DOCK7: variants seen among roughly 807,000 people sequenced by gnomAD.
DOCK7 encodes the protein dedicator of cytokinesis 7, also known as dedicator of cytokinesis protein 7.
DOCK7 carries 138 observed loss-of-function variants against 271.0 expected under a neutral mutation model. That is an observed-to-expected ratio of 0.51 (90% CI 0.44 to 0.59). The LOEUF is 0.59. Ranked by LOEUF, DOCK7 falls within the 20% of genes least tolerant of loss-of-function variation. The pLI is 0.00. For missense variants in DOCK7, 2,066 were observed against 2,592.4 expected (o/e 0.80, Z 4.41); for synonymous variants, 823 against 876.1 (o/e 0.94, Z 1.07).
At chr1:62,653,636 T>A in intron 4 of DOCK7, 89 bp downstream of exon 4, 2 of 817,002 alleles carry the variant, frequency 2.4e-6, no homozygotes, top group Non-Finnish European at 4.0e-6. Flanking sequence ...AAATAAATTT[T>A]CAGGTCTCAT....
intron 48 of DOCK7, among the ~76,000 whole-genome samples, chr1:62,466,363 A>G (rs1055040789): frequency 4.6e-5 from 7 of 152,226 alleles, no homozygotes; most frequent in African/African-American, 1.7e-4. Context: ...AAATGCAGTC[A>G]GGTTTATAAT....
intron 41 of DOCK7, 45 bp downstream of exon 41, chr1:62,492,659 T>C: frequency 1.2e-6 from 2 of 1,607,910 alleles, no homozygotes; most frequent in Non-Finnish European, 1.7e-6. Context: ...CATTGATAAT[T>C]AGAGGTATGA....
chr1:62,661,097 G>GAA (rs759373674), intron 2 of DOCK7, among the ~76,000 whole-genome samples: 1 of 116,530 alleles, frequency 8.6e-6, no homozygotes, highest in Non-Finnish European at 1.8e-5. Context: ...GAACCTGTCT[G>GAA]AAAAAAAAAA....
intron 43 of DOCK7, chr1:62,486,279 A>AT (rs1646290520): frequency 6.6e-6 from 1 of 152,098 alleles, no homozygotes; most frequent in African/African-American, 2.4e-5. Flanking sequence ...CTTGGGTACT[A>AT]TTTCAGAAAT....
At position 62,553,820 on chromosome 1, in the gene DOCK7, AAC is replaced by A. The variant is rs758970353; in HGVS notation, c.2597-921_2597-920del. Among the ~76,000 whole-genome samples, 4 of 149,256 alleles carry A rather than the reference AAC, an allele frequency of 2.7e-5. No homozygotes were observed. In the East Asian group the frequency reaches 5.8e-4, roughly 22 times the overall value. On this transcript the variant is annotated intron_variant, in intron 21 of 49. Coordinates refer to ENST00000635253, the MANE Select transcript of DOCK7 (RefSeq NM_001367561.1). ...ACATACAATAAAAACCAAAATAGGA[AAC>A]ACACACACACAGACGTGTGCGTGCG...
intron 41 of DOCK7, among the ~76,000 whole-genome samples, chr1:62,490,211 C>T (rs910911590): frequency 6.6e-6 from 1 of 151,994 alleles, no homozygotes; most frequent in East Asian, 1.9e-4. Flanking sequence ...GCTAGGACTA[C>T]AGGTGCTCAC....
intron 41 of DOCK7, among the ~76,000 whole-genome samples, chr1:62,490,565 A>G (rs750224411): frequency 1.3e-5 from 2 of 152,188 alleles, no homozygotes; most frequent in Non-Finnish European, 2.9e-5. Flanking sequence ...TATTTAAACA[A>G]TCATGTAGTT....
intron 31 of DOCK7, among the ~76,000 whole-genome samples, chr1:62,525,301 G>C (rs983492453): frequency 6.6e-6 from 1 of 152,036 alleles, no homozygotes; most frequent in Non-Finnish European, 1.5e-5. Context: ...GAGCCACCAT[G>C]CCTGGCCTAG....
At chr1:62,579,355 G>A (rs1647040577) in intron 16 of DOCK7, among the ~76,000 whole-genome samples, 1 of 152,092 alleles carries the variant, frequency 6.6e-6, no homozygotes, top group South Asian at 2.1e-4. Context: ...ATAGGAGAAT[G>A]CTTTCATATT....
intron 1 of DOCK7, among the ~76,000 whole-genome samples, chr1:62,676,584 A>G (rs951513094): frequency 2.0e-5 from 3 of 152,174 alleles, no homozygotes; most frequent in Non-Finnish European, 2.9e-5. Context: ...ACTGCTCTGC[A>G]AAGATAAGTG....
At chr1:62,587,206 G>C (rs187125776) in intron 14 of DOCK7, among the ~76,000 whole-genome samples, 11 of 147,386 alleles carry the variant, frequency 7.5e-5, no homozygotes, top group Admixed American at 6.3e-4. Context: ...TTGAATTCTT[G>C]TCCAGCTCAT....
intron 18 of DOCK7, among the ~76,000 whole-genome samples, chr1:62,576,090 T>C (rs1025240566): frequency 2.0e-5 from 3 of 152,174 alleles, no homozygotes; most frequent in African/African-American, 2.4e-5. Flanking sequence ...TAAGTATATA[T>C]TGAGTGTCTA....
chr1:62,538,068 A>G lies in DOCK7; in HGVS notation c.3301-7T>C, dbSNP rs1202416402. ...AGTAAAGCTTTGAAGACACCTTGTA[A>G]GCAATGCATAAGTAAGAGAACACCA... On this transcript the variant is annotated splice_region_variant and splice_polypyrimidine_tract_variant and intron_variant, in intron 27 of 49. Coordinates refer to ENST00000635253, the MANE Select transcript of DOCK7 (RefSeq NM_001367561.1). 1.9e-6 allele frequency: 3 copies of G among 1,611,800 alleles called. No homozygotes were observed. Among genetic ancestry groups the G allele is most frequent in the Admixed American group, 3.3e-5 (2 of 59,774 alleles).
At chr1:62,490,407 T>C (rs544365884) in intron 41 of DOCK7, among the ~76,000 whole-genome samples, 1 of 152,214 alleles carries the variant, frequency 6.6e-6, no homozygotes, top group East Asian at 1.9e-4. Context: ...CCAGCCTTTA[T>C]CTTTAATAAT....
intron 14 of DOCK7, among the ~76,000 whole-genome samples, chr1:62,589,412 G>T (rs910841656): frequency 3.5e-4 from 53 of 152,122 alleles, no homozygotes; most frequent in African/African-American, 1.3e-3. Context: ...GCTGGTTTTT[G>T]ATTCAATCAT....
intron 29 of DOCK7, 41 bp downstream of exon 29, chr1:62,535,452 A>G (rs755687750): frequency 1.9e-6 from 3 of 1,586,602 alleles, no homozygotes; most frequent in Non-Finnish European, 2.6e-6. Context: ...ACTGTTCAAA[A>G]TCAAACTCAT....
At position 62,598,059 on chromosome 1, in the gene DOCK7, AAAGT is replaced by A. The variant is rs1649546919; in HGVS notation, c.1683-11439_1683-11436del. 5.1e-6 allele frequency: 8 copies of A among 1,580,840 alleles called. No individual in the cohort carries two copies. In the African/African-American group the frequency reaches 9.6e-5, roughly 19 times the overall value. ...AGAACACCCAGAAGTAACTTCACTT[AAAGT>A]AAGTAGAAAATAAAGAGGGTTCATG... On this transcript the variant is annotated intron_variant, in intron 14 of 49. Coordinates refer to ENST00000635253, the MANE Select transcript of DOCK7 (RefSeq NM_001367561.1).
chr1:62,526,992 C>T (rs903167049), intron 31 of DOCK7, among the ~76,000 whole-genome samples: 2 of 152,056 alleles, frequency 1.3e-5, no homozygotes, highest in Non-Finnish European at 1.5e-5. Flanking sequence ...TGTGGTGATA[C>T]CTGCGCAACT....
In DOCK7 at chr1:62,648,290, A is replaced by G. The variant is rs1256126130; in HGVS notation, c.548T>C (p.Ile183Thr). ...CCAGCTACCCCTTGGGGTATCATCT[A>G]TTGACATTGAACGTCTTTTAAGGTC... Reference protein sequence around the residue: ...QDDLKRRSMSIDDTPRGSWAC... With the variant: ...QDDLKRRSMSTDDTPRGSWAC... The change falls in exon 6 of 50, where the codon ATA (isoleucine) becomes ACA (threonine). Residue 183 changes from isoleucine (I) to threonine (T), a missense_variant. Transcript: ENST00000635253. 1 of 1,612,770 alleles carries G rather than the reference A, an allele frequency of 6.2e-7. No individual in the cohort carries two copies. Among genetic ancestry groups the G allele is most frequent in the African/African-American group, 1.3e-5 (1 of 74,912 alleles).
Sources: allele counts gnomAD v4.1 joint callset (sites outside exome capture counted in the v4.1 genomes callset), GRCh38; gene constraint gnomAD v4.1.1; transcripts MANE v1.5; gene names NCBI Gene and HGNC (gene_info 2026-07-23, HGNC 2026-07-21).